Variants in MLH3 observed in about 807,000 individuals in gnomAD.
MLH3 encodes the protein DNA mismatch repair protein Mlh3.
Under a neutral mutation model 122.2 loss-of-function variants are expected in MLH3, and 82 were observed. The observed-to-expected ratio is 0.67, with a 90% CI of 0.56 to 0.81. MLH3 has a LOEUF of 0.81. Among genes scored for constraint, MLH3 ranks in the 30% least tolerant of loss-of-function variants. MLH3 has a pLI of 0.00. For synonymous variants in MLH3, 524 were observed against 599.5 expected (o/e 0.87, Z 1.84); for missense variants, 1,539 against 1,714.5 (o/e 0.90, Z 1.81).
chr14:75,049,612 G>C lies in MLH3; in HGVS notation c.44C>G (p.Ser15Cys). 1 of 1,614,200 alleles carries C rather than the reference G, an allele frequency of 6.2e-7. No individual in the cohort carries two copies. Among genetic ancestry groups the C allele is most frequent in the Non-Finnish European group, 8.5e-7 (1 of 1,180,034 alleles). The change falls in exon 2 of 13, where the codon TCT (serine) becomes TGT (cysteine). Residue 15 changes from serine (S) to cysteine (C), a missense_variant. Physicochemically the swap from Ser to Cys is moderately radical, Grantham distance 112. Coordinates refer to ENST00000355774, the MANE Select transcript of MLH3 (RefSeq NM_001040108.2). Reference protein sequence around the residue: ...LSVEVQAKLRSGLAISSLGQC... With the variant: ...LSVEVQAKLRCGLAISSLGQC... ...GCCCAAGGAGCTTATGGCCAAACCAGAACGCAATTTGGCTTGTACTTCAAC... is the reference window on the plus strand; with the variant it reads ...GCCCAAGGAGCTTATGGCCAAACCACAACGCAATTTGGCTTGTACTTCAAC...
chr14:75,018,937 G>A lies in MLH3; in HGVS notation c.4134C>T (p.Cys1378=), dbSNP rs2139297417. The change falls in exon 12 of 13, where the codon TGC becomes TGT. Residue 1378 remains cysteine, a synonymous_variant. Transcript: ENST00000355774. ...ATGAGGACAGAGCTTCAATAAGGCG[G>A]CAACTTTCCTGTAAGCTCAGGCCAT... ...FNDGLSLQES[C]RLIEALSSCQ... 1 of 1,614,142 alleles carries A rather than the reference G, an allele frequency of 6.2e-7. No individual in the cohort carries two copies. The highest frequency in any genetic ancestry group is 8.5e-7 in the Non-Finnish European group (1 of 1,180,010).
At chr14:75,018,557 A>G (rs1024023366) in intron 12 of MLH3, among the ~76,000 whole-genome samples, 3 of 152,228 alleles carry the variant, frequency 2.0e-5, no homozygotes, top group Non-Finnish European at 4.4e-5. Flanking sequence ...CCAGCAGGCA[A>G]TAGATATTCA....
At chr14:75,038,826 A>G (rs567889353) in intron 5 of MLH3, among the ~76,000 whole-genome samples, 155 of 151,770 alleles carry the variant, frequency 1.0e-3, no homozygotes, top group African/African-American at 3.5e-3. Flanking sequence ...GTCTATTTTT[A>G]TTTTTATTTA....
At position 75,016,771 on chromosome 14, in the gene MLH3, C is replaced by A; in HGVS notation, c.*311G>T. The A allele has an allele frequency of 9.4e-5, 27 of 287,086 alleles. No individual in the cohort carries two copies. Among genetic ancestry groups the A allele is most frequent in the South Asian group, 2.3e-4 (6 of 26,386 alleles). The allele number at this position is 287,086 out of a possible 1,614,324, so 17.8% of individuals were successfully genotyped here. A position where few individuals can be genotyped will look rare whatever the true frequency, so the allele number is the denominator to read the frequency against. Reference sequence around the variant, plus strand: ...AAAATCACACCCTTCAAATAACAAACCAAGCAACCAATCAAACTGTCATTA... The same window carrying A: ...AAAATCACACCCTTCAAATAACAAAACAAGCAACCAATCAAACTGTCATTA... On this transcript the variant is annotated 3_prime_UTR_variant, in exon 13 of 13. Transcript: ENST00000355774.
chr14:75,046,779 T>TG lies in MLH3; in HGVS notation c.2876dup (p.Thr960AsnfsTer16). ...TTTCTGATATCACACAGTTCTCTGTTGTATTGCTGTTAGAATGTGTTTTAC... is the reference window on the plus strand; with the variant it reads ...TTTCTGATATCACACAGTTCTCTGTTGGTATTGCTGTTAGAATGTGTTTTAC... On this transcript the variant is annotated frameshift_variant, in exon 2 of 13. Transcript: ENST00000355774. LOFTEE classifies it high-confidence loss of function. 6.2e-7 allele frequency: 1 copy of TG among 1,614,204 alleles called. No homozygotes were observed. Among genetic ancestry groups the TG allele is most frequent in the African/African-American group, 1.3e-5 (1 of 75,066 alleles).
Position 75,048,833 on chromosome 14 carries a change from CT to C in MLH3, c.822del (p.Glu275LysfsTer16). Reference sequence around the variant, plus strand: ...TTCTTTGGCTTGCATATAATACTTTCTTTCCTTAATAAAAAGTCAATGAGTT... The same window carrying C: ...TTCTTTGGCTTGCATATAATACTTTCTTCCTTAATAAAAAGTCAATGAGTT... ...LHKLIDFLLR[K>X]ESIICKPKNG... On this transcript the variant is annotated frameshift_variant, in exon 2 of 13. Transcript: ENST00000355774. LOFTEE classifies it high-confidence loss of function. The C allele has an allele frequency of 6.2e-7, 1 of 1,614,120 alleles. No individual in the cohort carries two copies. The highest frequency in any genetic ancestry group is 8.5e-7 in the Non-Finnish European group (1 of 1,180,002).
At chr14:75,045,407 A>G (rs1892141391) in intron 2 of MLH3, among the ~76,000 whole-genome samples, 1 of 152,264 alleles carries the variant, frequency 6.6e-6, no homozygotes, top group Non-Finnish European at 1.5e-5. Flanking sequence ...AGATTTTACC[A>G]TATGCATTAT....
At chr14:75,029,843 C>CA (rs1890920359) in intron 9 of MLH3, among the ~76,000 whole-genome samples, 1 of 152,128 alleles carries the variant, frequency 6.6e-6, no homozygotes, top group South Asian at 2.1e-4. Flanking sequence ...CCTAGTTTCC[C>CA]ACTATTCTGT....
At chr14:75,041,578 A>C in intron 4 of MLH3, 37 bp downstream of exon 4, 1 of 1,245,764 alleles carries the variant, frequency 8.0e-7, no homozygotes, top group African/African-American at 2.7e-5. Context: ...GAAGAAGAAG[A>C]AAAAAAAAAG....
chr14:75,030,766 G>T (rs1890997761), intron 8 of MLH3, 64 bp from the exon 9 acceptor site: 19 of 1,377,650 alleles, frequency 1.4e-5, no homozygotes, highest in Non-Finnish European at 2.0e-5. Context: ...CTTCACTACT[G>T]GTTCCAAATA....
At chr14:75,023,693 C>A (rs1299643569) in intron 9 of MLH3, among the ~76,000 whole-genome samples, 1 of 152,122 alleles carries the variant, frequency 6.6e-6, no homozygotes, top group Non-Finnish European at 1.5e-5. Context: ...TTTCATGCTA[C>A]CAATTTGTTT....
At chr14:75,036,832 T>C in intron 6 of MLH3, 2 of 453,836 alleles carry the variant, frequency 4.4e-6, no homozygotes, top group South Asian at 3.1e-5. Flanking sequence ...ATCTCCTAAA[T>C]ATCTTTCCAA....
chr14:75,022,616 A>G (rs888060766), intron 11 of MLH3, among the ~76,000 whole-genome samples, 198 bp downstream of exon 11: 3 of 152,238 alleles, frequency 2.0e-5, no homozygotes, highest in African/African-American at 7.2e-5. Context: ...GTCAGGCAGC[A>G]CTATAGTCAA....
At chr14:75,049,806 A>G in intron 1 of MLH3, 88 bp from the exon 2 acceptor site, 1 of 832,812 alleles carries the variant, frequency 1.2e-6, no homozygotes, top group Non-Finnish European at 1.9e-6. Context: ...GGTAAATGAA[A>G]TCACTCTTAT....
At position 75,049,068 on chromosome 14, in the gene MLH3, G is replaced by T; in HGVS notation, c.588C>A (p.Ser196=). 1 of 1,614,098 alleles carries T rather than the reference G, an allele frequency of 6.2e-7. No individual in the cohort carries two copies. The highest frequency in any genetic ancestry group is 1.3e-5 in the African/African-American group (1 of 75,016). The change falls in exon 2 of 13, where the codon TCC becomes TCA. Residue 196 remains serine, a synonymous_variant. Coordinates refer to ENST00000355774, the MANE Select transcript of MLH3 (RefSeq NM_001040108.2). ...TGGTTTTAGGGAGCTGAAGAACCAT[G>T]GAACCAGAAACATCATTTCTCAAAG... is the stretch of plus-strand genomic sequence containing the variant. The part of the protein sequence containing the change: ...SFSLRNDVSG[S]MVLQLPKTKD...
rs1161757736 is a variant in MLH3, at chr14:75,049,723, T to G, written c.-63-5A>C. 3 of 1,511,972 alleles carry G rather than the reference T, an allele frequency of 2.0e-6. No individual in the cohort carries two copies. The African/African-American group carries it at 4.1e-5, about 21-fold the overall frequency. 93.7% of individuals were successfully genotyped at this position (1,511,972 alleles called of 1,614,324 possible). ...TCTCTGACTGGAAATAATTGCCTAT[T>G]GGAGAAAAAAACCACACACGCACAT... is the stretch of plus-strand genomic sequence containing the variant. On this transcript the variant is annotated splice_region_variant and splice_polypyrimidine_tract_variant and intron_variant, in intron 1 of 12. Coordinates refer to ENST00000355774, the MANE Select transcript of MLH3 (RefSeq NM_001040108.2).
chr14:75,043,726 A>T (rs1043751445), intron 2 of MLH3, among the ~76,000 whole-genome samples: 2 of 152,256 alleles, frequency 1.3e-5, no homozygotes, highest in African/African-American at 4.8e-5. Context: ...TATTTTAAAG[A>T]AAAAATTACC....
intron 8 of MLH3, among the ~76,000 whole-genome samples, chr14:75,031,230 G>T (rs952119499): frequency 2.6e-5 from 4 of 152,128 alleles, no homozygotes; most frequent in Non-Finnish European, 5.9e-5. Flanking sequence ...TCAATAATTT[G>T]TGCTGCCTAG....
chr14:75,046,635 A>C lies in MLH3; in HGVS notation c.3021T>G (p.Asn1007Lys), dbSNP rs1360064914. Reference protein sequence around the residue: ...SLDSPSGMLMNPVEDATGDQN... With the variant: ...SLDSPSGMLMKPVEDATGDQN... Reference sequence around the variant, plus strand: ...GGTCACCTGTGGCATCTTCTACCGGATTCATTAACATTCCACTGGGAGAGT... The same window carrying C: ...GGTCACCTGTGGCATCTTCTACCGGCTTCATTAACATTCCACTGGGAGAGT... Residue 1007 changes from asparagine to lysine, a missense_variant, in exon 2 of 13, where the codon AAT (asparagine) becomes AAG (lysine). Transcript: ENST00000355774. The C allele has an allele frequency of 7.4e-6, 12 of 1,614,096 alleles. No individual in the cohort carries two copies. Among genetic ancestry groups the C allele is most frequent in the African/African-American group, 1.3e-5 (1 of 74,940 alleles).
Sources: allele counts gnomAD v4.1 joint callset (sites outside exome capture counted in the v4.1 genomes callset), GRCh38; gene constraint gnomAD v4.1.1; transcripts MANE v1.5; gene names NCBI Gene and HGNC (gene_info 2026-07-23, HGNC 2026-07-21).